Variants in CCDC3 observed in about 807,000 individuals in gnomAD.
The protein encoded by CCDC3 is coiled-coil domain containing 3, also known as coiled-coil domain-containing protein 3.
Under a neutral mutation model 21.4 loss-of-function variants are expected in CCDC3, and 24 were observed. The observed-to-expected ratio is 1.12, with a 90% CI of 0.81 to 1.58. The LOEUF (loss-of-function observed/expected upper bound fraction) is 1.58, where lower values mean the gene tolerates loss of function less well. CCDC3 is among the 40% of genes most tolerant of loss of function. The pLI, the probability that CCDC3 is intolerant of heterozygous loss-of-function variation, is 0.00. For missense variants in CCDC3, 425 were observed against 360.9 expected, an observed-to-expected ratio of 1.18 and a Z score of -1.44; for synonymous variants, 186 against 166.0, an observed-to-expected ratio of 1.12 and a Z score of -0.93.
At chr10:12,914,032 GGCTTGTAACA>G (rs1834310103) in intron 2 of CCDC3, among the ~76,000 whole-genome samples, 1 of 151,992 alleles carries the variant, frequency 6.6e-6, no homozygotes, top group African/African-American at 2.4e-5. Flanking sequence ...AGAGATTTTT[GGCTTGTAACA>G]GCTTCTTTTT....
At chr10:13,079,912 G>A (rs751404106) in intron 3 of CCDC3, among the ~76,000 whole-genome samples, 2 of 152,078 alleles carry the variant, frequency 1.3e-5, no homozygotes, top group African/African-American at 2.4e-5. Flanking sequence ...TTCTCTAGAC[G>A]AGGTTAAAAA....
chr10:12,982,393 A>T (rs188739816), intron 2 of CCDC3, among the ~76,000 whole-genome samples: 1 of 152,206 alleles, frequency 6.6e-6, no homozygotes, highest in Non-Finnish European at 1.5e-5. Context: ...CAGTCATGCA[A>T]GATGAAAAAG....
chr10:13,063,815 T>C (rs764592918), intron 4 of CCDC3, among the ~76,000 whole-genome samples: 1 of 152,152 alleles, frequency 6.6e-6, no homozygotes, highest in Non-Finnish European at 1.5e-5. Context: ...GAGGTAGAAT[T>C]GTATGTTCTA....
At chr10:13,068,704 G>A (rs568932712) in intron 4 of CCDC3, among the ~76,000 whole-genome samples, 1 of 152,252 alleles carries the variant, frequency 6.6e-6, no homozygotes, top group South Asian at 2.1e-4. Context: ...TCAAACCTTG[G>A]CTGCGACTTG....
intron 2 of CCDC3, among the ~76,000 whole-genome samples, chr10:12,905,154 G>A (rs116846297): frequency 0.019 from 2,830 of 152,196 alleles, 38 homozygotes; most frequent in Middle Eastern, 0.044. Flanking sequence ...TCCTGTTCTC[G>A]GGATTCAAAA....
intron 2 of CCDC3, among the ~76,000 whole-genome samples, chr10:12,917,858 TTTTC>T (rs1376958297): frequency 9.2e-5 from 14 of 152,220 alleles, no homozygotes; most frequent in African/African-American, 2.9e-4. Flanking sequence ...TGTGCCACGT[TTTTC>T]TTTATCAGGA....
intron 2 of CCDC3, among the ~76,000 whole-genome samples, chr10:12,912,315 C>T (rs1008776067): frequency 1.3e-5 from 2 of 152,164 alleles, no homozygotes; most frequent in Non-Finnish European, 2.9e-5. Context: ...GGTAATAGCC[C>T]TTCTAACGGG....
At chr10:12,946,967 G>A (rs918689149) in intron 2 of CCDC3, among the ~76,000 whole-genome samples, 3 of 152,066 alleles carry the variant, frequency 2.0e-5, no homozygotes. Context: ...AAACCGAACG[G>A]AAAAGCAAAA....
intron 2 of CCDC3, among the ~76,000 whole-genome samples, chr10:12,948,795 T>TGGG (rs1330628768): frequency 3.1e-5 from 4 of 128,950 alleles, no homozygotes; most frequent in African/African-American, 1.2e-4. Flanking sequence ...TGCAGTGGCC[T>TGGG]ATCTCGGCTC....
At chr10:12,976,816 G>A (rs1430927232) in intron 2 of CCDC3, among the ~76,000 whole-genome samples, 1 of 106,290 alleles carries the variant, frequency 9.4e-6, no homozygotes, top group Non-Finnish European at 2.1e-5. Context: ...CCCATAGAAT[G>A]TACAATACCA....
At chr10:13,020,309 A>C (rs900011406) in intron 5 of CCDC3, among the ~76,000 whole-genome samples, 2 of 152,176 alleles carry the variant, frequency 1.3e-5, no homozygotes, top group Non-Finnish European at 2.9e-5. Context: ...ATGAATTCTA[A>C]ATTGTCAACA....
At position 12,973,770 on chromosome 10, in the gene CCDC3, T is replaced by G. The variant is rs144681928; in HGVS notation, c.549+24568A>C. Among the ~76,000 whole-genome samples, 660 of 151,580 alleles carry G rather than the reference T, an allele frequency of 4.4e-3. 8 individuals are homozygous for G. The highest frequency in any genetic ancestry group is 0.015 in the African/African-American group (623 of 40,956). On this transcript the variant is annotated intron_variant, in intron 2 of 2. Coordinates refer to ENST00000378825, the MANE Select transcript of CCDC3 (RefSeq NM_031455.4). Reference sequence around the variant, plus strand: ...TTTATAACTCCACGGCCTTACTTGGTCTTCCAGGTAAACCTGACCCAGGTT... The same window carrying G: ...TTTATAACTCCACGGCCTTACTTGGGCTTCCAGGTAAACCTGACCCAGGTT...
chr10:13,077,721 T>C (rs183019406), intron 3 of CCDC3, among the ~76,000 whole-genome samples: 121 of 152,332 alleles, frequency 7.9e-4, no homozygotes, highest in African/African-American at 2.8e-3. Flanking sequence ...TACAATCATC[T>C]GATCTTTGAC....
intron 3 of CCDC3, among the ~76,000 whole-genome samples, chr10:13,080,104 C>T (rs968893478): frequency 2.6e-5 from 4 of 152,136 alleles, no homozygotes; most frequent in Non-Finnish European, 4.4e-5. Context: ...GCCTCTGGGC[C>T]GATGGCAGCC....
intron 1 of CCDC3, among the ~76,000 whole-genome samples, chr10:13,000,171 G>T (rs747841879): frequency 6.6e-6 from 1 of 152,132 alleles, no homozygotes; most frequent in Non-Finnish European, 1.5e-5. Flanking sequence ...CTGGGAAAAC[G>T]AACTACAACC....
intron 3 of CCDC3, among the ~76,000 whole-genome samples, chr10:13,094,203 G>T (rs79899532): frequency 0.015 from 2,334 of 151,828 alleles, 59 homozygotes; most frequent in African/African-American, 0.053. Context: ...TAACCTAAGG[G>T]GTAAATACCT....
At chr10:13,061,202 A>G (rs11258164) in intron 4 of CCDC3, among the ~76,000 whole-genome samples, 53,137 of 152,098 alleles carry the variant, frequency 0.35, 9,568 homozygotes, top group African/African-American at 0.4. Context: ...CAGCCATTCT[A>G]AAATCTTCCT....
At chr10:13,077,229 A>G (rs10906295) in intron 3 of CCDC3, among the ~76,000 whole-genome samples, 113,254 of 151,870 alleles carry the variant, frequency 0.75, 42,549 homozygotes, top group Middle Eastern at 0.83. Flanking sequence ...ACAAACAGAG[A>G]GCCAAATCAT....
At chr10:12,985,585 C>A (rs1589030946) in intron 2 of CCDC3, among the ~76,000 whole-genome samples, 1 of 152,318 alleles carries the variant, frequency 6.6e-6, no homozygotes. Flanking sequence ...CCATGGAATA[C>A]TACCCAGCAA....
Sources: gnomAD v4.1 joint callset for allele counts (sites outside exome capture counted in the v4.1 genomes callset) on GRCh38, gnomAD v4.1.1 for gene constraint, MANE v1.5 for transcripts, NCBI Gene and HGNC (gene_info 2026-07-23, HGNC 2026-07-21) for gene names.